The following GLO1 variants were observed in gnomAD, a reference collection of about 807,000 sequenced individuals.
The protein encoded by GLO1 is glyoxalase I, also known as lactoylglutathione lyase.
GLO1 carries 28 observed loss-of-function variants against 26.0 expected under a neutral mutation model. The observed-to-expected ratio is 1.08, with a 90% CI of 0.80 to 1.48. The LOEUF is 1.48. Ranked by LOEUF, GLO1 falls within the 40% of genes most tolerant of loss-of-function variation. GLO1 has a pLI of 0.00. For synonymous variants in GLO1, 78 were observed against 77.6 expected, an observed-to-expected ratio of 1.00 and a Z score of -0.03; for missense variants, 225 against 224.8, an observed-to-expected ratio of 1.00 and a Z score of -0.01.
At chr6:38,702,502 A>C (rs1761718692) in intron 1 of GLO1, among the ~76,000 whole-genome samples, 1 of 152,178 alleles carries the variant, frequency 6.6e-6, no homozygotes, top group South Asian at 2.1e-4. Flanking sequence ...CCAAGCAAGC[A>C]AAAGTGAAAT....
At chr6:38,691,180 G>A (rs142387581) in intron 1 of GLO1, among the ~76,000 whole-genome samples, 1 of 152,094 alleles carries the variant, frequency 6.6e-6, no homozygotes. Context: ...GTTTTACAGG[G>A]ATGGCTACTG....
intron 1 of GLO1, among the ~76,000 whole-genome samples, chr6:38,701,010 C>T (rs376055054): frequency 1.2e-4 from 18 of 152,184 alleles, no homozygotes; most frequent in Admixed American, 5.2e-4. Context: ...AACTGCTAAC[C>T]TCAGGTGATC....
intron 1 of GLO1, among the ~76,000 whole-genome samples, chr6:38,696,672 T>A (rs1363299138): frequency 6.6e-6 from 1 of 152,200 alleles, no homozygotes; most frequent in African/African-American, 2.4e-5. Context: ...GATTAGGATT[T>A]CAACACATGA....
rs1761467065 is a variant in GLO1 at position 38,686,885 on chromosome 6, G to C, written c.167+7C>G. 3.4e-6 allele frequency: 5 copies of C among 1,469,526 alleles called. No homozygotes were observed. In the East Asian group the frequency reaches 1.1e-4, roughly 33 times the overall value. The allele number at this position is 1,469,526 out of a possible 1,614,324, so 91.0% of individuals were successfully genotyped here. Reference sequence around the variant, plus strand: ...AACATTAAGGTGCCAATAAGTACTTGACTTACGTCATTCCAAGAACTCTAG... The same window carrying C: ...AACATTAAGGTGCCAATAAGTACTTCACTTACGTCATTCCAAGAACTCTAG... On this transcript the variant is annotated splice_region_variant and intron_variant, in intron 2 of 5. Coordinates refer to ENST00000373365, the MANE Select transcript of GLO1 (RefSeq NM_006708.3).
intron 1 of GLO1, among the ~76,000 whole-genome samples, chr6:38,690,839 T>A (rs1761519273): frequency 6.6e-6 from 1 of 152,214 alleles, no homozygotes; most frequent in Non-Finnish European, 1.5e-5. Flanking sequence ...GGCTTATTTT[T>A]AAGAAAATGA....
intron 1 of GLO1, among the ~76,000 whole-genome samples, chr6:38,691,711 AG>A (rs1761534023): frequency 6.6e-6 from 1 of 151,942 alleles, no homozygotes; most frequent in Non-Finnish European, 1.5e-5. Context: ...TGTGAACCAA[AG>A]GATTAAGGCC....
intron 1 of GLO1, among the ~76,000 whole-genome samples, chr6:38,693,687 A>ATATC (rs1761564959): frequency 1.7e-5 from 1 of 59,858 alleles, no homozygotes; most frequent in Non-Finnish European, 3.7e-5. Flanking sequence ...CTCTCTCTCT[A>ATATC]TATATATATA....
intron 2 of GLO1, among the ~76,000 whole-genome samples, chr6:38,685,822 A>G (rs566765512): frequency 4.6e-5 from 7 of 152,118 alleles, no homozygotes; most frequent in South Asian, 4.1e-4. Context: ...CTTGTACCCT[A>G]TTTGGGGGCT....
rs918972495 is a variant in GLO1 at position 38,703,126 on chromosome 6, G to C, written c.-72C>G. 2.2e-5 allele frequency: 20 copies of C among 895,598 alleles called. No homozygotes were observed. The African/African-American group carries it at 3.3e-4, about 15-fold the overall frequency. 55.5% of individuals were successfully genotyped at this position (895,598 alleles called of 1,614,324 possible). On this transcript the variant is annotated 5_prime_UTR_variant, in exon 1 of 6. Transcript: ENST00000373365. ...GTCACCCACACTACGCCTCGGCCCT[G>C]TGCCGCCTTAACTAGGAATGGCGCG...
At chr6:38,698,308 G>C (rs1235829247) in intron 1 of GLO1, among the ~76,000 whole-genome samples, 1 of 151,602 alleles carries the variant, frequency 6.6e-6, no homozygotes, top group Non-Finnish European at 1.5e-5. Flanking sequence ...TCTATGCCTT[G>C]AATAGTCAGC....
chr6:38,681,875 T>C (rs554531940), intron 5 of GLO1, 137 bp downstream of exon 5: 1 of 612,816 alleles, frequency 1.6e-6, no homozygotes, highest in South Asian at 2.2e-5. Flanking sequence ...CAATCATTTC[T>C]CTTTTTTAAA....
chr6:38,699,109 T>A (rs1761654766), intron 1 of GLO1, among the ~76,000 whole-genome samples: 2 of 152,036 alleles, frequency 1.3e-5, no homozygotes, highest in South Asian at 4.1e-4. Flanking sequence ...TTTAACTAAC[T>A]CTCCAGTACC....
intron 5 of GLO1, among the ~76,000 whole-genome samples, chr6:38,681,578 A>C (rs2127545988): frequency 6.6e-6 from 1 of 152,354 alleles, no homozygotes; most frequent in South Asian, 2.1e-4. Flanking sequence ...TTAAGGACAT[A>C]CAAAGGTTAT....
chr6:38,682,168 C>T, intron 4 of GLO1, 67 bp from the exon 5 acceptor site: 1 of 879,136 alleles, frequency 1.1e-6, no homozygotes, highest in East Asian at 2.4e-5. Context: ...TGTCCAAGTA[C>T]CACAAGTAGA....
intron 1 of GLO1, 124 bp from the exon 2 acceptor site, chr6:38,687,098 C>G: frequency 6.9e-7 from 1 of 1,459,702 alleles, no homozygotes; most frequent in Non-Finnish European, 9.0e-7. Context: ...TGCAAGGGCT[C>G]TCTGCTCAGT....
chr6:38,682,978 A>G, intron 3 of GLO1, 103 bp from the exon 4 acceptor site: 2 of 737,872 alleles, frequency 2.7e-6, no homozygotes, highest in South Asian at 3.2e-5. Flanking sequence ...GCTACTTTAC[A>G]TAATTGGCCT....
Position 38,689,918 on chromosome 6 carries a change from G to A in GLO1, c.85-2944C>T, listed in dbSNP as rs562141494. Among the ~76,000 whole-genome samples, 19 of 152,046 alleles carry A rather than the reference G, an allele frequency of 1.2e-4. No individual in the cohort carries two copies. In the South Asian group the frequency reaches 1.5e-3, roughly 12 times the overall value. ...CTTGGCTCACTGCAACCCGCCTCCCGGGTTCAAGCGATTCTCCTGCCTCAG... is the reference window on the plus strand; with the variant it reads ...CTTGGCTCACTGCAACCCGCCTCCCAGGTTCAAGCGATTCTCCTGCCTCAG... On this transcript the variant is annotated intron_variant, in intron 1 of 5. Transcript: ENST00000373365.
intron 4 of GLO1, 104 bp downstream of exon 4, chr6:38,682,704 C>A: frequency 3.3e-6 from 2 of 605,614 alleles, no homozygotes; most frequent in Non-Finnish European, 6.0e-6. Flanking sequence ...ATTGATCATA[C>A]TTAATTAGGA....
chr6:38,698,682 C>A (rs1361107545), intron 1 of GLO1, among the ~76,000 whole-genome samples: 1 of 112,026 alleles, frequency 8.9e-6, no homozygotes, highest in African/African-American at 3.6e-5. Flanking sequence ...TTTTTTGAGA[C>A]GGAGTCTCTC....
Sources: gnomAD v4.1 joint callset for allele counts (sites outside exome capture counted in the v4.1 genomes callset) on GRCh38, gnomAD v4.1.1 for gene constraint, MANE v1.5 for transcripts, NCBI Gene and HGNC (gene_info 2026-07-23, HGNC 2026-07-21) for gene names.